SREK1IP1: variants seen among roughly 807,000 people sequenced by gnomAD.
SREK1IP1 encodes the protein protein SREK1IP1.
SREK1IP1 carries 12 observed loss-of-function variants against 22.8 expected under a neutral mutation model. The observed-to-expected ratio is 0.53, with a 90% CI of 0.34 to 0.85. The LOEUF (loss-of-function observed/expected upper bound fraction) is 0.85. Among genes scored for constraint, SREK1IP1 ranks in the 40% least tolerant of loss-of-function variants. The pLI, the probability that SREK1IP1 is intolerant of heterozygous loss-of-function variation, is 0.02. For missense variants in SREK1IP1, 147 were observed against 171.8 expected, an observed-to-expected ratio of 0.86 and a Z score of 0.81; for synonymous variants, 53 against 52.7, an observed-to-expected ratio of 1.01 and a Z score of -0.02.
At chr5:64,724,645 C>T (rs1260125902) in intron 4 of SREK1IP1, 72 bp from the exon 5 acceptor site, 2 of 1,234,158 alleles carry the variant, frequency 1.6e-6, no homozygotes, top group Admixed American at 2.6e-5. Context: ...GGGATTTGAA[C>T]TGCCTTAAAT....
intron 3 of SREK1IP1, among the ~76,000 whole-genome samples, chr5:64,737,826 G>T (rs1742491805): frequency 6.6e-6 from 1 of 152,044 alleles, no homozygotes; most frequent in Admixed American, 6.6e-5. Context: ...AACAAATTGG[G>T]TAACTTACAA....
rs760756842 is a variant in SREK1IP1, at chr5:64,734,600, CAAT to C, written c.206-6424_206-6422del. ...TACTTATTTCTTTAATGTCCCTCAA[CAAT>C]ATTTTGTAAAATATGTTTCAGTCTT... On this transcript the variant is annotated intron_variant, in intron 3 of 4. Coordinates refer to ENST00000513458, the MANE Select transcript of SREK1IP1 (RefSeq NM_173829.4). 2.8e-4 allele frequency among the ~76,000 whole-genome samples: 43 copies of C among 152,012 alleles called. 1 individual carries two copies. In the Middle Eastern group the frequency reaches 0.014, roughly 48 times the overall value.
chr5:64,720,959 C>G lies in SREK1IP1; in HGVS notation c.*3425G>C, dbSNP rs1304820526. 1 of 152,238 alleles carries G rather than the reference C, an allele frequency of 6.6e-6. No individual in the cohort carries two copies. The allele number at this position is 152,238 out of a possible 1,614,324, so 9.4% of individuals were successfully genotyped here. A position where few individuals can be genotyped will look rare whatever the true frequency, so the allele number is the denominator to read the frequency against. On this transcript the variant is annotated 3_prime_UTR_variant, in exon 5 of 5. Transcript: ENST00000513458. ...TCCTGCCTCGCCTATGATACACCAG[C>G]AACACCAGATTGCTTGTAATTCTTG...
At chr5:64,733,007 T>C (rs1343526593) in intron 3 of SREK1IP1, among the ~76,000 whole-genome samples, 1 of 149,582 alleles carries the variant, frequency 6.7e-6, no homozygotes, top group Non-Finnish European at 1.5e-5. Context: ...ATAGGCAAAA[T>C]AGATCAAGCC....
chr5:64,765,257 G>A (rs1379923496), intron 1 of SREK1IP1: 1 of 152,098 alleles, frequency 6.6e-6, no homozygotes, highest in Non-Finnish European at 1.5e-5. Flanking sequence ...CTACATAATG[G>A]TATACGCTTA....
chr5:64,748,433 A>G (rs1398942419), intron 2 of SREK1IP1, among the ~76,000 whole-genome samples: 1 of 152,240 alleles, frequency 6.6e-6, no homozygotes, highest in African/African-American at 2.4e-5. Flanking sequence ...GAATGTATTT[A>G]CTGCCACTGA....
chr5:64,747,373 A>T (rs1742655708), intron 2 of SREK1IP1, among the ~76,000 whole-genome samples: 1 of 152,152 alleles, frequency 6.6e-6, no homozygotes, highest in Non-Finnish European at 1.5e-5. Flanking sequence ...CCTTATTAGT[A>T]TAAACTCAGG....
At chr5:64,767,672 A>G (rs1440184131) in intron 1 of SREK1IP1, among the ~76,000 whole-genome samples, 1 of 152,184 alleles carries the variant, frequency 6.6e-6, no homozygotes, top group Admixed American at 6.5e-5. Flanking sequence ...ATTCTATAGC[A>G]ATTCATAGTA....
chr5:64,757,047 T>C lies in SREK1IP1; in HGVS notation c.14-2685A>G, dbSNP rs560448536. Among the ~76,000 whole-genome samples the C allele has an allele frequency of 6.6e-5, 10 of 152,316 alleles. No individual in the cohort carries two copies. In the East Asian group the frequency reaches 1.9e-3, roughly 29 times the overall value. Reference sequence around the variant, plus strand: ...TTAAAAACAAATATAATTTTAAAACTATTTCTTTGGTGTTATGAAGTTAAA... The same window carrying C: ...TTAAAAACAAATATAATTTTAAAACCATTTCTTTGGTGTTATGAAGTTAAA... On this transcript the variant is annotated intron_variant, in intron 1 of 4. Coordinates refer to ENST00000513458, the MANE Select transcript of SREK1IP1 (RefSeq NM_173829.4).
chr5:64,740,184 G>A (rs1742529632), intron 3 of SREK1IP1, among the ~76,000 whole-genome samples: 1 of 152,090 alleles, frequency 6.6e-6, no homozygotes, highest in Non-Finnish European at 1.5e-5. Flanking sequence ...TCTCTAGGGA[G>A]AGAGGAGGAT....
At chr5:64,734,769 G>T (rs759767607) in intron 3 of SREK1IP1, among the ~76,000 whole-genome samples, 3 of 151,966 alleles carry the variant, frequency 2.0e-5, no homozygotes, top group Non-Finnish European at 4.4e-5. Context: ...GTAGACTCTT[G>T]CAACTTTGCT....
chr5:64,735,539 A>T (rs1742448319), intron 3 of SREK1IP1, among the ~76,000 whole-genome samples: 1 of 152,166 alleles, frequency 6.6e-6, no homozygotes, highest in Non-Finnish European at 1.5e-5. Flanking sequence ...ATTTAACTTA[A>T]GAGATGCGGG....
intron 3 of SREK1IP1, among the ~76,000 whole-genome samples, chr5:64,738,523 A>G (rs1176155572): frequency 7.1e-6 from 1 of 141,492 alleles, no homozygotes; most frequent in African/African-American, 2.6e-5. Context: ...GACCCCATAC[A>G]GCCAAAGCAA....
At chr5:64,754,449 C>T (rs1742802790) in intron 1 of SREK1IP1, 87 bp from the exon 2 acceptor site, 2 of 1,337,536 alleles carry the variant, frequency 1.5e-6, no homozygotes, top group African/African-American at 3.0e-5. Context: ...CTAAGAAAAA[C>T]CATTTGTTAT....
chr5:64,728,978 G>A (rs1287744280), intron 3 of SREK1IP1, among the ~76,000 whole-genome samples: 1 of 152,148 alleles, frequency 6.6e-6, no homozygotes, highest in Non-Finnish European at 1.5e-5. Context: ...GGATCATGAG[G>A]TCAGAAATTC....
chr5:64,740,108 G>A (rs1742528493), intron 3 of SREK1IP1, among the ~76,000 whole-genome samples: 1 of 151,978 alleles, frequency 6.6e-6, no homozygotes, highest in African/African-American at 2.4e-5. Flanking sequence ...CCCACTGCAA[G>A]GATGAGCTAT....
At chr5:64,768,410 C>G in intron 1 of SREK1IP1, 95 bp downstream of exon 1, 4 of 1,535,372 alleles carry the variant, frequency 2.6e-6, no homozygotes, top group Non-Finnish European at 3.6e-6. Context: ...GCCTAAATCC[C>G]CATGGGCGCT....
rs775470866 is a variant in SREK1IP1 at position 64,768,575 on chromosome 5, G to T, written c.-58C>A. 6.2e-7 allele frequency: 1 copy of T among 1,612,780 alleles called. No individual in the cohort carries two copies. The highest frequency in any genetic ancestry group is 1.3e-5 in the African/African-American group (1 of 74,900). On this transcript the variant is annotated 5_prime_UTR_variant, in exon 1 of 5. Coordinates refer to ENST00000513458, the MANE Select transcript of SREK1IP1 (RefSeq NM_173829.4). ...GCTTTCGAAAAGGCGCTTGCTTCCC[G>T]CCAGCTGTGAGAACAAGGCACAGTC...
chr5:64,749,849 G>A (rs991440501), intron 2 of SREK1IP1, among the ~76,000 whole-genome samples: 1 of 152,026 alleles, frequency 6.6e-6, no homozygotes, highest in Non-Finnish European at 1.5e-5. Flanking sequence ...ACATGTAACT[G>A]TCCTATGCGC....
Sources: allele counts gnomAD v4.1 joint callset (sites outside exome capture counted in the v4.1 genomes callset), GRCh38; gene constraint gnomAD v4.1.1; transcripts MANE v1.5; gene names NCBI Gene and HGNC (gene_info 2026-07-23, HGNC 2026-07-21).